The following RASAL2 variants were observed in gnomAD, a reference collection of about 807,000 sequenced individuals.
The protein encoded by RASAL2 is RAS protein activator like 2, also known as ras GTPase-activating protein nGAP.
Under a neutral mutation model 128.9 loss-of-function variants are expected in RASAL2, and 58 were observed. That is an observed-to-expected ratio of 0.45 (90% CI 0.36 to 0.56). RASAL2 has a LOEUF of 0.56. Among genes scored for constraint, RASAL2 ranks in the 20% least tolerant of loss-of-function variants. The pLI, the probability that RASAL2 is intolerant of heterozygous loss-of-function variation, is 0.00. For synonymous variants in RASAL2, 561 were observed against 580.8 expected, an observed-to-expected ratio of 0.97 and a Z score of 0.49; for missense variants, 1,360 against 1,601.6, an observed-to-expected ratio of 0.85 and a Z score of 2.57.
chr1:178,120,086 C>T (rs571426179), intron 1 of RASAL2, among the ~76,000 whole-genome samples: 1 of 152,256 alleles, frequency 6.6e-6, no homozygotes, highest in East Asian at 1.9e-4. Flanking sequence ...ACATTTTTTT[C>T]ATTTAAAGAA....
At chr1:178,425,892 C>T (rs913236528) in intron 5 of RASAL2, among the ~76,000 whole-genome samples, 1 of 152,136 alleles carries the variant, frequency 6.6e-6, no homozygotes, top group Non-Finnish European at 1.5e-5. Context: ...ATATAGGACT[C>T]TGTTCTTAAG....
chr1:178,200,079 G>A (rs112635429), intron 1 of RASAL2, among the ~76,000 whole-genome samples: 4,290 of 152,212 alleles, frequency 0.028, 78 homozygotes, highest in East Asian at 0.088. Context: ...CCTCGTGATC[G>A]TGTGAGTTAA....
At chr1:178,422,527 C>T (rs79379667) in intron 5 of RASAL2, among the ~76,000 whole-genome samples, 3,577 of 152,052 alleles carry the variant, frequency 0.024, 64 homozygotes, top group Middle Eastern at 0.058. Flanking sequence ...TAGAGGTGTA[C>T]TCAATATAGT....
Position 178,143,223 on chromosome 1 carries a change from A to G in RASAL2, c.202+48529A>G, listed in dbSNP as rs6683461. Reference sequence around the variant, plus strand: ...TTTAATTATCTTTGATAATTTTAACATAGATGTAATATATATTTATCTATA... The same window carrying G: ...TTTAATTATCTTTGATAATTTTAACGTAGATGTAATATATATTTATCTATA... On this transcript the variant is annotated intron_variant, in intron 1 of 17. Coordinates refer to ENST00000367649, the MANE Select transcript of RASAL2 (RefSeq NM_170692.4). Among the ~76,000 whole-genome samples, 766 of 151,806 alleles carry G rather than the reference A, an allele frequency of 5.0e-3. 15 individuals are homozygous for G. The highest frequency in any genetic ancestry group is 0.018 in the African/African-American group (737 of 41,470).
intron 5 of RASAL2, among the ~76,000 whole-genome samples, chr1:178,430,875 TAAGA>T (rs1675843231): frequency 7.9e-6 from 1 of 127,350 alleles, no homozygotes; most frequent in African/African-American, 3.0e-5. Context: ...GCTGACAAAA[TAAGA>T]AAGAAGGGAA....
intron 1 of RASAL2, among the ~76,000 whole-genome samples, chr1:178,160,048 A>G (rs1661224018): frequency 2.0e-5 from 3 of 151,266 alleles, no homozygotes; most frequent in African/African-American, 7.3e-5. Context: ...TAACCGGTCT[A>G]TTTTCTTTCT....
At chr1:178,329,509 A>T (rs181061279) in intron 3 of RASAL2, among the ~76,000 whole-genome samples, 6 of 152,178 alleles carry the variant, frequency 3.9e-5, no homozygotes, top group Non-Finnish European at 7.4e-5. Context: ...GTTTTCAGGG[A>T]TTTAAAGCAG....
intron 14 of RASAL2, 126 bp from the exon 15 acceptor site, chr1:178,464,152 T>G: frequency 8.5e-7 from 1 of 1,182,654 alleles, no homozygotes; most frequent in Non-Finnish European, 1.1e-6. Flanking sequence ...AAATAATACT[T>G]AAAGCTAAGA....
chr1:178,361,925 A>G (rs1671130021), intron 3 of RASAL2, among the ~76,000 whole-genome samples: 1 of 152,008 alleles, frequency 6.6e-6, no homozygotes, highest in African/African-American at 2.4e-5. Context: ...CATAAGGAAC[A>G]CGCAACCTAG....
intron 15 of RASAL2, among the ~76,000 whole-genome samples, chr1:178,465,709 T>A (rs1190461577): frequency 3.3e-5 from 5 of 152,070 alleles, no homozygotes; most frequent in African/African-American, 1.2e-4. Context: ...CATTAACATT[T>A]ATGCCAGTTG....
chr1:178,385,498 G>C (rs762757305), intron 3 of RASAL2, among the ~76,000 whole-genome samples: 1 of 151,746 alleles, frequency 6.6e-6, no homozygotes, highest in Non-Finnish European at 1.5e-5. Context: ...AATACGATTT[G>C]TACCTTTTGG....
intron 1 of RASAL2, among the ~76,000 whole-genome samples, chr1:178,240,614 T>C (rs1019993688): frequency 8.6e-5 from 13 of 151,984 alleles, no homozygotes; most frequent in Non-Finnish European, 1.5e-4. Context: ...ATACATGTGT[T>C]GCTGGAGAGG....
At chr1:178,111,882 A>G (rs1282333633) in intron 1 of RASAL2, among the ~76,000 whole-genome samples, 1 of 152,120 alleles carries the variant, frequency 6.6e-6, no homozygotes, top group Non-Finnish European at 1.5e-5. Flanking sequence ...GGCACCTGCC[A>G]TCATGCCTGG....
chr1:178,269,904 G>A (rs758975430), intron 1 of RASAL2, among the ~76,000 whole-genome samples: 2 of 152,142 alleles, frequency 1.3e-5, no homozygotes, highest in Non-Finnish European at 2.9e-5. Context: ...TCTCTTGGGG[G>A]TCTGGATCGG....
At chr1:178,408,098 C>G (rs1349207197) in intron 4 of RASAL2, among the ~76,000 whole-genome samples, 3 of 152,154 alleles carry the variant, frequency 2.0e-5, no homozygotes. Flanking sequence ...TTAGTTGTAT[C>G]AATTGCTATG....
chr1:178,197,852 C>CA (rs1399308856), intron 1 of RASAL2, among the ~76,000 whole-genome samples: 19 of 151,990 alleles, frequency 1.3e-4, no homozygotes, highest in African/African-American at 4.6e-4. Context: ...TTCCCCCATT[C>CA]CCCCACCCAA....
chr1:178,104,905 G>GTAT (rs1315971972), intron 1 of RASAL2, among the ~76,000 whole-genome samples: 1 of 152,170 alleles, frequency 6.6e-6, no homozygotes, highest in Non-Finnish European at 1.5e-5. Context: ...GACCTTACTT[G>GTAT]TATTATGTCA....
intron 1 of RASAL2, among the ~76,000 whole-genome samples, chr1:178,200,411 T>C (rs964082869): frequency 6.6e-6 from 1 of 152,214 alleles, no homozygotes; most frequent in East Asian, 1.9e-4. Flanking sequence ...TTAGCAACTT[T>C]ATACATAATA....
At chr1:178,438,438 C>T (rs1316591516) in intron 5 of RASAL2, among the ~76,000 whole-genome samples, 1 of 151,936 alleles carries the variant, frequency 6.6e-6, no homozygotes, top group Admixed American at 6.6e-5. Context: ...CTAAGTACTT[C>T]TGCTTGAAAT....
Sources: gnomAD v4.1 joint callset for allele counts (sites outside exome capture counted in the v4.1 genomes callset) on GRCh38, gnomAD v4.1.1 for gene constraint, MANE v1.5 for transcripts, NCBI Gene and HGNC (gene_info 2026-07-23, HGNC 2026-07-21) for gene names.